Variants in ATG2B observed in about 807,000 individuals in gnomAD.
The protein encoded by ATG2B is autophagy related 2B.
A neutral mutation model predicts 241.3 loss-of-function variants in ATG2B; 121 were observed. That is an observed-to-expected ratio of 0.50 (90% confidence interval 0.43 to 0.58). The LOEUF is 0.58. ATG2B is among the 20% of genes least tolerant of loss of function. ATG2B has a pLI of 0.00. For synonymous variants in ATG2B, 858 were observed against 876.6 expected (o/e 0.98, Z 0.37); for missense variants, 2,306 against 2,491.6 (o/e 0.93, Z 1.59).
At chr14:96,306,514 A>G (rs1886951877) in intron 30 of ATG2B, among the ~76,000 whole-genome samples, 200 bp downstream of exon 30, 2 of 147,052 alleles carry the variant, frequency 1.4e-5, no homozygotes, top group South Asian at 2.2e-4. Context: ...TTTTGCAAAT[A>G]GCATTCTTCT....
At position 96,306,928 on chromosome 14, in the gene ATG2B, G is replaced by A. The variant is rs762947406; in HGVS notation, c.4304-12C>T. 8 of 1,607,646 alleles carry A rather than the reference G, an allele frequency of 5.0e-6. No individual in the cohort carries two copies. Among genetic ancestry groups the A allele is most frequent in the Non-Finnish European group, 6.8e-6 (8 of 1,176,836 alleles). On this transcript the variant is annotated splice_polypyrimidine_tract_variant and intron_variant, in intron 29 of 41. Coordinates refer to ENST00000359933, the MANE Select transcript of ATG2B (RefSeq NM_018036.7). ...TTCATCCAAAACACCTAGATAAAAA[G>A]ATTACAACATTTTGGCACACTTTGA... is the stretch of plus-strand genomic sequence containing the variant.
intron 5 of ATG2B, among the ~76,000 whole-genome samples, chr14:96,342,022 C>A (rs2139893839): frequency 6.6e-6 from 1 of 152,138 alleles, no homozygotes; most frequent in African/African-American, 2.4e-5. Flanking sequence ...ACAAAAAAGG[C>A]AAATTATACA....
chr14:96,334,554 AC>A, intron 6 of ATG2B, 53 bp from the exon 7 acceptor site: 1 of 1,033,042 alleles, frequency 9.7e-7, no homozygotes, highest in Non-Finnish European at 1.4e-6. Context: ...TAACCTTATC[AC>A]CATAAACGTC....
chr14:96,323,589 A>G (rs1887512688), intron 16 of ATG2B, among the ~76,000 whole-genome samples: 1 of 152,206 alleles, frequency 6.6e-6, no homozygotes, highest in African/African-American at 2.4e-5. Flanking sequence ...GTCCTTATGA[A>G]ACTTGTGCTC....
intron 8 of ATG2B, among the ~76,000 whole-genome samples, chr14:96,332,954 A>C (rs1355045862): frequency 1.3e-5 from 2 of 152,296 alleles, no homozygotes; most frequent in East Asian, 3.9e-4. Context: ...ATGCCAGTTT[A>C]GGAATTAAAA....
At chr14:96,311,040 G>C (rs1170374944) in intron 28 of ATG2B, 77 bp downstream of exon 28, 1 of 1,273,648 alleles carries the variant, frequency 7.9e-7, no homozygotes, top group Non-Finnish European at 1.1e-6. Flanking sequence ...TCTACCTTAT[G>C]ACTGTCATGA....
chr14:96,328,817 CA>C, intron 12 of ATG2B, 51 bp from the exon 13 acceptor site: 1 of 1,360,034 alleles, frequency 7.4e-7, no homozygotes, highest in Non-Finnish European at 1.0e-6. Context: ...CAAGAATTTA[CA>C]GAGGTGCCCA....
rs370553866 is a variant in ATG2B at position 96,285,905 on chromosome 14, G to A, written c.6087C>T (p.Gly2029=). The change falls in exon 42 of 42, where the codon GGC becomes GGT. Residue 2029 remains glycine (G), a synonymous_variant. Coordinates refer to ENST00000359933, the MANE Select transcript of ATG2B (RefSeq NM_018036.7). The surrounding 1 kb of genome is among the most constrained non-coding windows in gnomAD (Gnocchi z 4.2). ...HESRGVTGAV[G]EVLRQIPPAV... Reference sequence around the variant, plus strand: ...CCGGAGGAATCTGGCGCAGAACCTCGCCCACGGCACCAGTCACCCCTCTGC... The same window carrying A: ...CCGGAGGAATCTGGCGCAGAACCTCACCCACGGCACCAGTCACCCCTCTGC... 24 of 1,613,824 alleles carry A rather than the reference G, an allele frequency of 1.5e-5. No individual in the cohort carries two copies. Among genetic ancestry groups the A allele is most frequent in the Middle Eastern group, 1.7e-4 (1 of 5,980 alleles).
At position 96,312,148 on chromosome 14, in the gene ATG2B, T is replaced by A; in HGVS notation, c.3854A>T (p.Asp1285Val). Residue 1285 changes from aspartate (D) to valine (V), a missense_variant, in exon 26 of 42, where the codon GAT (aspartate) becomes GTT (valine). By Grantham distance (152) the Asp-to-Val change is radical. Around this residue, in one of 2 missense-constraint regions of ATG2B, gnomAD observed 1,927 missense variants for 2,011.2 expected, o/e 0.96. Transcript: ENST00000359933. Reference sequence around the variant, plus strand: ...GTCAGATAGATGTAAAGCAGCTTCATCCAAGATTATTCTGAGGCAAGAAAG... The same window carrying A: ...GTCAGATAGATGTAAAGCAGCTTCAACCAAGATTATTCTGAGGCAAGAAAG... Reference protein sequence around the residue: ...KSSSTLRIILDEAALHLSDKC... With the variant: ...KSSSTLRIILVEAALHLSDKC... The A allele has an allele frequency of 6.2e-7, 1 of 1,600,254 alleles. No homozygotes were observed. The highest frequency in any genetic ancestry group is 1.1e-5 in the South Asian group (1 of 88,098).
intron 34 of ATG2B, among the ~76,000 whole-genome samples, chr14:96,300,461 G>T (rs1886759045): frequency 6.9e-6 from 1 of 145,642 alleles, no homozygotes; most frequent in Admixed American, 6.8e-5. Flanking sequence ...AGGAGGTCAA[G>T]GCTGCAGTGA....
chr14:96,363,031 TC>T lies in ATG2B; in HGVS notation c.-56del. On this transcript the variant is annotated 5_prime_UTR_variant, in exon 1 of 42. Coordinates refer to ENST00000359933, the MANE Select transcript of ATG2B (RefSeq NM_018036.7). ...GCTGCGGGTTGCGACGGCTCCGGCC[TC>T]GGGGTAGCGACTCCGGCTCCAGGCC... 1 of 1,605,076 alleles carries T rather than the reference TC, an allele frequency of 6.2e-7. No homozygotes were observed. Among genetic ancestry groups the T allele is most frequent in the Non-Finnish European group, 8.5e-7 (1 of 1,175,328 alleles).
chr14:96,357,037 T>C (rs1463629939), intron 1 of ATG2B, among the ~76,000 whole-genome samples: 1 of 152,178 alleles, frequency 6.6e-6, no homozygotes, highest in Non-Finnish European at 1.5e-5. Context: ...TCTGTCAAGG[T>C]AGTTATCTGC....
intron 6 of ATG2B, among the ~76,000 whole-genome samples, chr14:96,337,474 T>C (rs1327332326): frequency 6.6e-6 from 1 of 152,192 alleles, no homozygotes; most frequent in African/African-American, 2.4e-5. Context: ...AGAACCCTCA[T>C]ATGCTTTTGG....
rs545528649 is a variant in ATG2B, at chr14:96,297,245, T to C, written c.5140-1685A>G. Among the ~76,000 whole-genome samples, 4 of 151,336 alleles carry C rather than the reference T, an allele frequency of 2.6e-5. No homozygotes were observed. In the South Asian group the frequency reaches 8.4e-4, roughly 32 times the overall value. On this transcript the variant is annotated intron_variant, in intron 34 of 41. Coordinates refer to ENST00000359933, the MANE Select transcript of ATG2B (RefSeq NM_018036.7). ...TAATGCCATAAATGGTGGGACTCCATGATTACCTTCAAAAAAACAGCAAAT... is the reference window on the plus strand; with the variant it reads ...TAATGCCATAAATGGTGGGACTCCACGATTACCTTCAAAAAAACAGCAAAT...
Position 96,290,967 on chromosome 14 carries a change from G to T in ATG2B, c.5580-32C>A. On this transcript the variant is annotated intron_variant, in intron 38 of 41. Transcript: ENST00000359933. This position sits in a 1 kb window ranked among gnomAD's most constrained non-coding sequence, Gnocchi z 4.4. ...CAAATGATTATTAGTATGTCAAAAG[G>T]AGAAATACATTTATAGACACAGATT... 1 of 1,581,852 alleles carries T rather than the reference G, an allele frequency of 6.3e-7. No homozygotes were observed. The highest frequency in any genetic ancestry group is 8.6e-7 in the Non-Finnish European group (1 of 1,162,698).
Position 96,343,253 on chromosome 14 carries a change from C to T in ATG2B, c.610G>A (p.Glu204Lys), listed in dbSNP as rs1217459951. Residue 204 changes from glutamate (E) to lysine (K), a missense_variant, in exon 5 of 42, where the codon GAA (glutamate) becomes AAA (lysine). Around this residue, in one of 2 missense-constraint regions of ATG2B, gnomAD observed 1,927 missense variants for 2,011.2 expected, o/e 0.96. Transcript: ENST00000359933. ...RTVYCDETAD[E>K]SSGINVHQPT... is the part of the protein sequence containing the mutation. ...TGATGCACATTAATTCCTGAGGATT[C>T]GTCAGCAGTTTCATCACAGTACACA... 6 of 1,606,302 alleles carry T rather than the reference C, an allele frequency of 3.7e-6. No individual in the cohort carries two copies. The highest frequency in any genetic ancestry group is 1.7e-4 in the Middle Eastern group (1 of 6,038).
At position 96,332,671 on chromosome 14, in the gene ATG2B, C is replaced by T; in HGVS notation, c.1208-16G>A. ...ACTTCTTCTTCTAGAGAGAATTAAACTATGTCACTTGTATTATAATCCCAC... is the reference window on the plus strand; with the variant it reads ...ACTTCTTCTTCTAGAGAGAATTAAATTATGTCACTTGTATTATAATCCCAC... On this transcript the variant is annotated splice_polypyrimidine_tract_variant and intron_variant, in intron 8 of 41. Transcript: ENST00000359933. 1.3e-6 allele frequency: 2 copies of T among 1,532,586 alleles called. No individual in the cohort carries two copies. The highest frequency in any genetic ancestry group is 1.7e-6 in the Non-Finnish European group (2 of 1,146,196). The allele number at this position is 1,532,586 out of a possible 1,614,324, so 94.9% of individuals were successfully genotyped here. A position where few individuals can be genotyped will look rare whatever the true frequency, so the allele number is the denominator to read the frequency against.
intron 18 of ATG2B, among the ~76,000 whole-genome samples, chr14:96,319,412 G>C (rs868370887): frequency 6.6e-6 from 1 of 152,096 alleles, no homozygotes; most frequent in Non-Finnish European, 1.5e-5. Context: ...TTTAATGAAA[G>C]CAATTAGAAT....
Position 96,347,345 on chromosome 14 carries a change from A to C in ATG2B, c.163-4T>G, listed in dbSNP as rs748219141. On this transcript the variant is annotated splice_region_variant and splice_polypyrimidine_tract_variant and intron_variant, in intron 1 of 41. Coordinates refer to ENST00000359933, the MANE Select transcript of ATG2B (RefSeq NM_018036.7). ...ACTCCAAGATCTCATTGAGACACTA[A>C]GGAGAAAAAACAGGTTCATTATGAA... The C allele has an allele frequency of 5.8e-6, 9 of 1,550,278 alleles. No individual in the cohort carries two copies. The highest frequency in any genetic ancestry group is 7.9e-6 in the Non-Finnish European group (9 of 1,135,764).
Sources: allele counts gnomAD v4.1 joint callset (sites outside exome capture counted in the v4.1 genomes callset), GRCh38; gene constraint gnomAD v4.1.1; regional missense constraint gnomAD v4.1.1; non-coding constraint Gnocchi (gnomAD v3.1); transcripts MANE v1.5; gene names NCBI Gene and HGNC (gene_info 2026-07-23, HGNC 2026-07-21).